RAMP3: variants seen among roughly 807,000 people sequenced by gnomAD.
RAMP3 encodes the protein receptor activity modifying protein 3, also known as receptor activity-modifying protein 3.
In RAMP3, 14 loss-of-function variants were observed where a neutral mutation model predicts 13.5. That is an observed-to-expected ratio of 1.04 (90% CI 0.69 to 1.63). The LOEUF is 1.63. Ranked by LOEUF, RAMP3 falls within the 40% of genes most tolerant of loss-of-function variation. The pLI is 0.00. For synonymous variants in RAMP3, 106 were observed against 88.3 expected (o/e 1.20, Z -1.12); for missense variants, 200 against 204.8 (o/e 0.98, Z 0.14).
At chr7:45,164,377 A>G (rs1449043797) in intron 1 of RAMP3, among the ~76,000 whole-genome samples, 2 of 85,062 alleles carry the variant, frequency 2.4e-5, no homozygotes, top group Non-Finnish European at 4.8e-5. Context: ...ACAAATAACA[A>G]AAAAAAAATT....
chr7:45,163,573 T>C, intron 1 of RAMP3: 1 of 985,396 alleles, frequency 1.0e-6, no homozygotes, highest in Non-Finnish European at 1.2e-6. Context: ...AGCTGGAGGC[T>C]GGGGTCAGCA....
At chr7:45,180,228 AGTACACCCTG>A (rs1786277984) in intron 2 of RAMP3, among the ~76,000 whole-genome samples, 1 of 152,242 alleles carries the variant, frequency 6.6e-6, no homozygotes, top group Admixed American at 6.5e-5. Context: ...CCAGCGTGGC[AGTACACCCTG>A]GGTGGAGGCA....
intron 1 of RAMP3, among the ~76,000 whole-genome samples, chr7:45,170,458 C>T (rs186142618): frequency 1.3e-5 from 2 of 151,596 alleles, no homozygotes; most frequent in East Asian, 2.0e-4. Flanking sequence ...CTGCCTCAGC[C>T]TCTCGAGTAG....
Position 45,183,963 on chromosome 7 carries a change from T to G in RAMP3, c.*551T>G. ...CTGGTGGGAAGACAGCTGGAAAGGCTGGGAGGAGAAGGGAGGGGCTGGGGG... is the reference window on the plus strand; with the variant it reads ...CTGGTGGGAAGACAGCTGGAAAGGCGGGGAGGAGAAGGGAGGGGCTGGGGG... On this transcript the variant is annotated 3_prime_UTR_variant, in exon 3 of 3. Coordinates refer to ENST00000242249, the MANE Select transcript of RAMP3 (RefSeq NM_005856.3). The G allele has an allele frequency of 2.4e-6, 1 of 414,794 alleles. No homozygotes were observed. Among genetic ancestry groups the G allele is most frequent in the Non-Finnish European group, 4.3e-6 (1 of 234,472 alleles). 25.7% of individuals were successfully genotyped at this position (414,794 alleles called of 1,614,324 possible).
intron 1 of RAMP3, among the ~76,000 whole-genome samples, chr7:45,172,866 G>A (rs1157394395): frequency 6.6e-6 from 1 of 152,120 alleles, no homozygotes; most frequent in African/African-American, 2.4e-5. Context: ...GGTTTCCCTG[G>A]GTCCATCCAG....
At chr7:45,159,275 C>G (rs1785821003) in intron 1 of RAMP3, among the ~76,000 whole-genome samples, 1 of 152,210 alleles carries the variant, frequency 6.6e-6, no homozygotes, top group African/African-American at 2.4e-5. Context: ...CAGTGTTCGA[C>G]TGGCCAGAGT....
Position 45,178,027 on chromosome 7 carries a change from G to A in RAMP3, c.191+586G>A, listed in dbSNP as rs559821860. On this transcript the variant is annotated intron_variant, in intron 2 of 2. Transcript: ENST00000242249. ...TGGCCTGGGGGGTGCACTCTCCCAG[G>A]GGTGGGTGCTGCCCTACCCCAGGGG... Among the ~76,000 whole-genome samples the A allele has an allele frequency of 8.7e-4, 132 of 150,916 alleles. 1 individual carries two copies. The highest frequency in any genetic ancestry group is 3.1e-3 in the African/African-American group (128 of 41,112).
At chr7:45,161,704 GGAA>G (rs770630888) in intron 1 of RAMP3, among the ~76,000 whole-genome samples, 21 of 151,888 alleles carry the variant, frequency 1.4e-4, no homozygotes, top group Non-Finnish European at 2.4e-4. Flanking sequence ...AGGCAGAGGA[GGAA>G]GAAGAACTGG....
At position 45,183,675 on chromosome 7, in the gene RAMP3, G is replaced by T; in HGVS notation, c.*263G>T. On this transcript the variant is annotated 3_prime_UTR_variant, in exon 3 of 3. Coordinates refer to ENST00000242249, the MANE Select transcript of RAMP3 (RefSeq NM_005856.3). Reference sequence around the variant, plus strand: ...TGATAAGGCCAGAGCTTGTGTGCTGGGCACAGAAATCACCTGCTGCATCCT... The same window carrying T: ...TGATAAGGCCAGAGCTTGTGTGCTGTGCACAGAAATCACCTGCTGCATCCT... 1 of 595,316 alleles carries T rather than the reference G, an allele frequency of 1.7e-6. No individual in the cohort carries two copies. Among genetic ancestry groups the T allele is most frequent in the South Asian group, 2.0e-5 (1 of 48,910 alleles). 36.9% of individuals were successfully genotyped at this position (595,316 alleles called of 1,614,324 possible). A position where few individuals can be genotyped will look rare whatever the true frequency, so the allele number is the denominator to read the frequency against.
At chr7:45,160,657 T>C (rs1300316434) in intron 1 of RAMP3, among the ~76,000 whole-genome samples, 2 of 152,152 alleles carry the variant, frequency 1.3e-5, no homozygotes, top group Non-Finnish European at 2.9e-5. Context: ...TCCAAATGAC[T>C]AGCCACAAAA....
rs1786046178 is a variant in RAMP3 at position 45,169,911 on chromosome 7, G to T, written c.59-7398G>T. Among the ~76,000 whole-genome samples, 3 of 152,182 alleles carry T rather than the reference G, an allele frequency of 2.0e-5. No individual in the cohort carries two copies. The South Asian group carries it at 6.2e-4, about 31-fold the overall frequency. On this transcript the variant is annotated intron_variant, in intron 1 of 2. Transcript: ENST00000242249. ...GGACTTCAATATATCTTTTTTAGGGGAGATGCAATTCATTCCATAACAATG... is the reference window on the plus strand; with the variant it reads ...GGACTTCAATATATCTTTTTTAGGGTAGATGCAATTCATTCCATAACAATG...
intron 2 of RAMP3, among the ~76,000 whole-genome samples, chr7:45,180,099 C>G (rs1047310991): frequency 3.3e-5 from 5 of 152,258 alleles, no homozygotes; most frequent in Non-Finnish European, 7.3e-5. Flanking sequence ...TTCCCACATA[C>G]CTTTCTCAAG....
chr7:45,183,289 G>A lies in RAMP3; in HGVS notation c.324G>A (p.Arg108=), dbSNP rs769989449. 6.8e-6 allele frequency: 11 copies of A among 1,613,962 alleles called. No individual in the cohort carries two copies. In the Admixed American group the frequency reaches 1.5e-4, roughly 22 times the overall value. Reference sequence around the variant, plus strand: ...TCTTCTCCAACTGCACCGTGGACAGGGTCCACTTGGAGGACCCCCCAGACG... The same window carrying A: ...TCTTCTCCAACTGCACCGTGGACAGAGTCCACTTGGAGGACCCCCCAGACG... ...RQFFSNCTVD[R]VHLEDPPDEV... The change falls in exon 3 of 3, where the codon AGG becomes AGA. Residue 108 remains arginine, a synonymous_variant. Transcript: ENST00000242249.
At chr7:45,179,254 A>T (rs1193782038) in intron 2 of RAMP3, among the ~76,000 whole-genome samples, 1 of 152,134 alleles carries the variant, frequency 6.6e-6, no homozygotes, top group African/African-American at 2.4e-5. Flanking sequence ...ACCAGCCAAG[A>T]GGAAGGACCT....
chr7:45,166,209 C>T (rs1420323163), intron 1 of RAMP3, among the ~76,000 whole-genome samples: 2 of 148,022 alleles, frequency 1.4e-5, no homozygotes, highest in South Asian at 4.2e-4. Context: ...GGGTCTCATT[C>T]TGTTGCCCAG....
intron 1 of RAMP3, chr7:45,163,436 A>G (rs1367739103): frequency 9.1e-6 from 9 of 985,206 alleles, no homozygotes; most frequent in Non-Finnish European, 1.1e-5. Context: ...TGGGATACAC[A>G]GAAGTGGGAG....
At chr7:45,170,440 C>T (rs1007237736) in intron 1 of RAMP3, among the ~76,000 whole-genome samples, 14 of 151,286 alleles carry the variant, frequency 9.3e-5, no homozygotes, top group African/African-American at 2.9e-4. Flanking sequence ...TGGGTTCAAG[C>T]GATTCTCCTG....
chr7:45,177,283 AATTCTTAT>A lies in RAMP3; in HGVS notation c.59-25_59-18del. 1 of 1,613,604 alleles carries A rather than the reference AATTCTTAT, an allele frequency of 6.2e-7. No homozygotes were observed. The highest frequency in any genetic ancestry group is 8.5e-7 in the Non-Finnish European group (1 of 1,179,746). On this transcript the variant is annotated intron_variant, in intron 1 of 2. Coordinates refer to ENST00000242249, the MANE Select transcript of RAMP3 (RefSeq NM_005856.3). ...GCATCCCCAGTGTGAACTGTAGTGGAATTCTTATGGCTGTCCCCTCTCCAGGTGGGTGT... is the reference window on the plus strand; with the variant it reads ...GCATCCCCAGTGTGAACTGTAGTGGAGGCTGTCCCCTCTCCAGGTGGGTGT...
chr7:45,183,781 C>T lies in RAMP3; in HGVS notation c.*369C>T, dbSNP rs575576764. On this transcript the variant is annotated 3_prime_UTR_variant, in exon 3 of 3. Transcript: ENST00000242249. ...GCACAGAATCCAGCCTAGCCTTAGC[C>T]GCAGTCTAGGCCCTGCTTGGACTAG... 3.6e-5 allele frequency: 19 copies of T among 532,028 alleles called. No homozygotes were observed. The highest frequency in any genetic ancestry group is 1.9e-4 in the African/African-American group (10 of 53,312). 33.0% of individuals were successfully genotyped at this position (532,028 alleles called of 1,614,324 possible).
Sources: allele counts gnomAD v4.1 joint callset (sites outside exome capture counted in the v4.1 genomes callset), GRCh38; gene constraint gnomAD v4.1.1; transcripts MANE v1.5; gene names NCBI Gene and HGNC (gene_info 2026-07-23, HGNC 2026-07-21).